The following HCN1 variants were observed in gnomAD, a reference collection of about 807,000 sequenced individuals.
HCN1 encodes the protein potassium/sodium hyperpolarization-activated cyclic nucleotide-gated channel 1.
In HCN1, 13 loss-of-function variants were observed where a neutral mutation model predicts 78.9. The ratio of observed to expected loss-of-function variants is 0.16; its 90% CI spans 0.11 to 0.26. The LOEUF (loss-of-function observed/expected upper bound fraction) is 0.26, where lower values mean the gene tolerates loss of function less well. HCN1 is among the 10% of genes least tolerant of loss of function. HCN1 has a pLI of 1.00. For synonymous variants in HCN1, 552 were observed against 455.5 expected (o/e 1.21, Z -2.70); for missense variants, 810 against 1,154.3 (o/e 0.70, Z 4.32).
chr5:45,276,158 A>G (rs965447330), intron 6 of HCN1, among the ~76,000 whole-genome samples: 8 of 152,074 alleles, frequency 5.3e-5, no homozygotes, highest in African/African-American at 1.9e-4. Flanking sequence ...CAAGTCTACT[A>G]CAGCCTAAAA....
At chr5:45,693,720 T>G (rs975157967) in intron 1 of HCN1, among the ~76,000 whole-genome samples, 1 of 152,176 alleles carries the variant, frequency 6.6e-6, no homozygotes, top group African/African-American at 2.4e-5. Context: ...AGTGGCCCTA[T>G]GTTTTTATTT....
At chr5:45,638,573 G>A (rs1561228465) in intron 2 of HCN1, among the ~76,000 whole-genome samples, 1 of 152,166 alleles carries the variant, frequency 6.6e-6, no homozygotes, top group Non-Finnish European at 1.5e-5. Flanking sequence ...TCTAACATAT[G>A]TATATATACA....
intron 2 of HCN1, among the ~76,000 whole-genome samples, chr5:45,493,683 C>A (rs1211077561): frequency 6.6e-6 from 1 of 151,570 alleles, no homozygotes; most frequent in East Asian, 1.9e-4. Flanking sequence ...ATGTGCCATG[C>A]TGGTGCGCTG....
chr5:45,495,474 T>G (rs1742005582), intron 2 of HCN1, among the ~76,000 whole-genome samples: 1 of 151,388 alleles, frequency 6.6e-6, no homozygotes, highest in African/African-American at 2.4e-5. Context: ...TTGCTGAAGT[T>G]GCTTATCAGC....
At chr5:45,376,251 A>AATATAATATAATATAATATAATATATG (rs371543140) in intron 4 of HCN1, among the ~76,000 whole-genome samples, 1 of 40,844 alleles carries the variant, frequency 2.4e-5, no homozygotes, top group Non-Finnish European at 4.2e-5. Flanking sequence ...TATTCTATAT[A>AATATAATATAATATAATATAATATATG]GAATATAGAA....
intron 4 of HCN1, among the ~76,000 whole-genome samples, chr5:45,377,418 C>A (rs1250816580): frequency 6.6e-6 from 1 of 151,118 alleles, no homozygotes; most frequent in Non-Finnish European, 1.5e-5. Flanking sequence ...TAAAAATGAT[C>A]TTTTTTGCTT....
chr5:45,476,727 C>T (rs1741524319), intron 2 of HCN1, among the ~76,000 whole-genome samples: 1 of 152,106 alleles, frequency 6.6e-6, no homozygotes, highest in African/African-American at 2.4e-5. Flanking sequence ...CCTTTATATA[C>T]AGGCTGAGGA....
Position 45,405,526 on chromosome 5 carries a change from AC to A in HCN1, c.1012-8817del, listed in dbSNP as rs568082061. Among the ~76,000 whole-genome samples, 135 of 152,126 alleles carry A rather than the reference AC, an allele frequency of 8.9e-4. No homozygotes were observed. In the Middle Eastern group the frequency reaches 0.014, roughly 15 times the overall value. On this transcript the variant is annotated intron_variant, in intron 3 of 7. Coordinates refer to ENST00000303230, the MANE Select transcript of HCN1 (RefSeq NM_021072.4). Reference sequence around the variant, plus strand: ...AGGCTCAAGTGACCCTCCTGCTTCAACCTCCTGAGTAGCTAGGACTATACAC... The same window carrying A: ...AGGCTCAAGTGACCCTCCTGCTTCAACTCCTGAGTAGCTAGGACTATACAC...
chr5:45,525,898 G>A (rs77326664), intron 2 of HCN1, among the ~76,000 whole-genome samples: 328 of 152,072 alleles, frequency 2.2e-3, no homozygotes, highest in African/African-American at 7.5e-3. Flanking sequence ...AAGTAATTAG[G>A]TCAAGGTGAT....
chr5:45,622,890 G>C (rs1403058787), intron 2 of HCN1, among the ~76,000 whole-genome samples: 2 of 152,130 alleles, frequency 1.3e-5, no homozygotes, highest in African/African-American at 4.8e-5. Flanking sequence ...CAGGAGTCTG[G>C]TATTTATCAA....
intron 2 of HCN1, among the ~76,000 whole-genome samples, chr5:45,617,158 C>A (rs935763905): frequency 6.6e-6 from 1 of 151,976 alleles, no homozygotes; most frequent in Non-Finnish European, 1.5e-5. Context: ...AAAGTCAGAC[C>A]AAACCAGCTT....
intron 3 of HCN1, among the ~76,000 whole-genome samples, chr5:45,412,754 G>A (rs1370648361): frequency 4.2e-5 from 3 of 71,146 alleles, no homozygotes; most frequent in African/African-American, 1.9e-4. Flanking sequence ...TGATCCCCAA[G>A]AGGCTGGAAC....
At chr5:45,602,261 T>A (rs1030687438) in intron 2 of HCN1, among the ~76,000 whole-genome samples, 4 of 152,100 alleles carry the variant, frequency 2.6e-5, no homozygotes, top group Non-Finnish European at 5.9e-5. Flanking sequence ...AGATAAGGTC[T>A]TTGAAGAAGT....
chr5:45,428,672 A>G, intron 3 of HCN1, among the ~76,000 whole-genome samples: 1 of 152,216 alleles, frequency 6.6e-6, no homozygotes, highest in East Asian at 1.9e-4. Flanking sequence ...TCTTTCATTT[A>G]TTATTAAATT....
chr5:45,453,775 A>G (rs564047728), intron 3 of HCN1, among the ~76,000 whole-genome samples: 3 of 152,276 alleles, frequency 2.0e-5, no homozygotes, highest in African/African-American at 7.2e-5. Context: ...TAGGTGAGAT[A>G]ATGTGTTATA....
chr5:45,420,512 ATAGT>A (rs1740205554), intron 3 of HCN1, among the ~76,000 whole-genome samples: 1 of 151,970 alleles, frequency 6.6e-6, no homozygotes, highest in African/African-American at 2.4e-5. Flanking sequence ...TTTGGGTGTA[ATAGT>A]TAGGGTGGGG....
intron 2 of HCN1, among the ~76,000 whole-genome samples, chr5:45,641,299 C>T (rs1276756768): frequency 1.3e-5 from 2 of 152,058 alleles, no homozygotes; most frequent in African/African-American, 4.8e-5. Flanking sequence ...GCATTAGCTC[C>T]CTATGGAATA....
At chr5:45,393,287 A>T (rs1173364950) in intron 4 of HCN1, among the ~76,000 whole-genome samples, 1 of 152,188 alleles carries the variant, frequency 6.6e-6, no homozygotes, top group Non-Finnish European at 1.5e-5. Flanking sequence ...GGAAGAAGTG[A>T]ACACATAAAG....
intron 4 of HCN1, among the ~76,000 whole-genome samples, chr5:45,378,078 C>T (rs1302355471): frequency 6.6e-6 from 1 of 151,818 alleles, no homozygotes; most frequent in East Asian, 1.9e-4. Context: ...ACATTCAGAA[C>T]TGGAGGGCAC....
Sources: gnomAD v4.1 joint callset for allele counts (sites outside exome capture counted in the v4.1 genomes callset) on GRCh38, gnomAD v4.1.1 for gene constraint, MANE v1.5 for transcripts, NCBI Gene and HGNC (gene_info 2026-07-23, HGNC 2026-07-21) for gene names.